HOXC4: variants seen among roughly 807,000 people sequenced by gnomAD.
HOXC4 encodes the protein homeobox C4, also known as homeobox protein Hox-C4.
A neutral mutation model predicts 25.5 loss-of-function variants in HOXC4; 15 were observed. That is an observed-to-expected ratio of 0.59 (90% CI 0.39 to 0.91). The LOEUF is 0.91. Among genes scored for constraint, HOXC4 ranks in the 40% least tolerant of loss-of-function variants. HOXC4 has a pLI of 0.00. For synonymous variants in HOXC4, 165 were observed against 148.0 expected, an observed-to-expected ratio of 1.11 and a Z score of -0.83; for missense variants, 342 against 352.4, an observed-to-expected ratio of 0.97 and a Z score of 0.24.
intron 1 of HOXC4, among the ~76,000 whole-genome samples, chr12:54,039,933 C>A (rs982679327): frequency 3.7e-4 from 57 of 152,276 alleles, no homozygotes; most frequent in Admixed American, 9.8e-4. Context: ...CATAGCGTCC[C>A]TTGAGCCCTT....
In HOXC4 at chr12:54,030,022, C is replaced by T; in HGVS notation, c.-124+12608C>T. The T allele has an allele frequency of 7.3e-6, 10 of 1,375,644 alleles. No individual in the cohort carries two copies. In the South Asian group the frequency reaches 1.3e-4, roughly 18 times the overall value. The allele number at this position is 1,375,644 out of a possible 1,614,324, so 85.2% of individuals were successfully genotyped here. A position where few individuals can be genotyped will look rare whatever the true frequency, so the allele number is the denominator to read the frequency against. On this transcript the variant is annotated intron_variant, in intron 1 of 3. Coordinates refer to the HOXC4 transcript ENST00000303406. The stretch of plus-strand genomic sequence containing the variant: ...TCCCTCGCTCCCCACCAACTCTCCC[C>T]TAATCACACACTCTGTATTTATCAC...
intron 1 of HOXC4, among the ~76,000 whole-genome samples, chr12:54,048,203 C>T (rs1197215667): frequency 1.3e-5 from 2 of 151,952 alleles, no homozygotes; most frequent in African/African-American, 4.8e-5. Flanking sequence ...AAAGGCACAC[C>T]GGGAGCTGTG....
At chr12:54,033,302 G>A in intron 1 of HOXC4, 3 of 1,614,118 alleles carry the variant, frequency 1.9e-6, no homozygotes, top group East Asian at 2.2e-5. Flanking sequence ...CTCTCCACGG[G>A]GTAGACATGG....
intron 1 of HOXC4, chr12:54,030,579 C>T (rs989241660): frequency 2.0e-5 from 3 of 152,676 alleles, no homozygotes; most frequent in African/African-American, 7.2e-5. Flanking sequence ...AGATTTTTAG[C>T]TGTATTTGTG....
intron 1 of HOXC4, chr12:54,030,014 A>G (rs1460238040): frequency 2.1e-6 from 3 of 1,414,192 alleles, no homozygotes; most frequent in African/African-American, 2.9e-5. Context: ...CTCCCCACCA[A>G]CTCTCCCCTA....
At chr12:54,024,157 A>C (rs1940576109) in intron 1 of HOXC4, among the ~76,000 whole-genome samples, 1 of 152,100 alleles carries the variant, frequency 6.6e-6, no homozygotes, top group South Asian at 2.1e-4. Flanking sequence ...TCTCCGTAAG[A>C]GGGATTTTAG....
chr12:54,027,589 C>G (rs1246654478), intron 1 of HOXC4, among the ~76,000 whole-genome samples: 1 of 152,224 alleles, frequency 6.6e-6, no homozygotes, highest in Admixed American at 6.5e-5. Flanking sequence ...GTCTTTCCCC[C>G]TCCGGTGCCA....
intron 1 of HOXC4, 91 bp from the exon 2 acceptor site, chr12:54,054,759 C>A: frequency 1.2e-6 from 1 of 825,196 alleles, no homozygotes; most frequent in South Asian, 1.7e-5. Context: ...ACTCCCTCCT[C>A]CTGTTTCTCA....
At chr12:54,033,358 C>T in intron 1 of HOXC4, 2 of 1,612,732 alleles carry the variant, frequency 1.2e-6, no homozygotes, top group Non-Finnish European at 1.7e-6. Context: ...TGCAGCGCCG[C>T]GGCCGCTCCG....
Position 54,028,941 on chromosome 12 carries a change from G to C in HOXC4, c.-124+11527G>C, listed in dbSNP as rs148984909. Reference sequence around the variant, plus strand: ...ACAGTGGTGAGTTTTACAGCTCCGAGATATAAATTAAATAAACTGAACTGG... The same window carrying C: ...ACAGTGGTGAGTTTTACAGCTCCGACATATAAATTAAATAAACTGAACTGG... On this transcript the variant is annotated intron_variant, in intron 1 of 3. Coordinates refer to the HOXC4 transcript ENST00000303406. 14,349 of 1,585,770 alleles carry C rather than the reference G, an allele frequency of 9.0e-3. 81 individuals carry two copies. Among genetic ancestry groups the C allele is most frequent in the Non-Finnish European group, 0.011 (12,612 of 1,171,070 alleles).
intron 1 of HOXC4, chr12:54,033,354 G>T (rs776825391): frequency 6.2e-7 from 1 of 1,612,678 alleles, no homozygotes; most frequent in Non-Finnish European, 8.5e-7. Context: ...CGCCTGCAGC[G>T]CCGCGGCCGC....
intron 1 of HOXC4, among the ~76,000 whole-genome samples, chr12:54,024,317 C>G (rs888255812): frequency 6.6e-6 from 1 of 152,142 alleles, no homozygotes; most frequent in Non-Finnish European, 1.5e-5. Flanking sequence ...AGGCTGAGCA[C>G]TGAGTCCTGA....
At chr12:54,045,726 A>G (rs771526676) in intron 1 of HOXC4, among the ~76,000 whole-genome samples, 3 of 152,176 alleles carry the variant, frequency 2.0e-5, no homozygotes, top group Non-Finnish European at 4.4e-5. Flanking sequence ...TCTATGATAT[A>G]AAAAGATATT....
chr12:54,033,664 C>A, intron 1 of HOXC4: 1 of 1,201,694 alleles, frequency 8.3e-7, no homozygotes, highest in Non-Finnish European at 1.1e-6. Flanking sequence ...AACCTGCGGC[C>A]ATAAATTTTA....
intron 1 of HOXC4, chr12:54,028,981 T>C (rs1940858710): frequency 6.7e-7 from 1 of 1,497,602 alleles, no homozygotes; most frequent in East Asian, 2.3e-5. Flanking sequence ...ATGACCGGCT[T>C]CCCTAGAAGA....
intron 1 of HOXC4, chr12:54,028,379 T>C: frequency 1.2e-6 from 1 of 852,730 alleles, no homozygotes; most frequent in South Asian, 2.0e-5. Context: ...TGGCTTGCGA[T>C]TGGCTGGGAG....
chr12:54,021,319 G>T (rs1592222382), intron 1 of HOXC4: 3 of 152,270 alleles, frequency 2.0e-5, no homozygotes, highest in Admixed American at 2.0e-4. Flanking sequence ...AATCCTCGTC[G>T]CTATCTGAGC....
rs1941108832 is a variant in HOXC4, at chr12:54,034,153, G to A, written c.-124+16739G>A. On this transcript the variant is annotated intron_variant, in intron 1 of 3. Coordinates refer to the HOXC4 transcript ENST00000303406. Reference sequence around the variant, plus strand: ...GGCTGGCCCGCCTGCGGCCCGCGTGGCCTGTCTTGCGGCTCTCGCCTCCTC... The same window carrying A: ...GGCTGGCCCGCCTGCGGCCCGCGTGACCTGTCTTGCGGCTCTCGCCTCCTC... The A allele has an allele frequency of 2.8e-5, 26 of 938,036 alleles. No homozygotes were observed. In the South Asian group the frequency reaches 3.3e-4, roughly 12 times the overall value. 58.1% of individuals were successfully genotyped at this position (938,036 alleles called of 1,614,324 possible). A position where few individuals can be genotyped will look rare whatever the true frequency, so the allele number is the denominator to read the frequency against.
chr12:54,039,594 A>G (rs986457216), intron 1 of HOXC4, among the ~76,000 whole-genome samples: 1 of 151,860 alleles, frequency 6.6e-6, no homozygotes, highest in Non-Finnish European at 1.5e-5. Context: ...AAAACTAATT[A>G]TCAGTTTCTC....
Sources: allele counts gnomAD v4.1 joint callset (sites outside exome capture counted in the v4.1 genomes callset), GRCh38; gene constraint gnomAD v4.1.1; transcripts MANE v1.5; gene names NCBI Gene and HGNC (gene_info 2026-07-23, HGNC 2026-07-21).